PTPRN2: variants seen among roughly 807,000 people sequenced by gnomAD.
PTPRN2 encodes the protein protein tyrosine phosphatase receptor type N2, also known as receptor-type tyrosine-protein phosphatase N2.
Under a neutral mutation model 118.8 loss-of-function variants are expected in PTPRN2, and 74 were observed. The observed-to-expected ratio is 0.62, with a 90% CI of 0.52 to 0.76. The LOEUF is 0.76. Ranked by LOEUF, PTPRN2 falls within the 30% of genes least tolerant of loss-of-function variation. The pLI is 0.00. For synonymous variants in PTPRN2, 641 were observed against 608.0 expected (o/e 1.05, Z -0.80); for missense variants, 1,481 against 1,394.4 (o/e 1.06, Z -0.99).
At chr7:158,307,032 A>G (rs1208964555) in intron 3 of PTPRN2, among the ~76,000 whole-genome samples, 1 of 151,866 alleles carries the variant, frequency 6.6e-6, no homozygotes, top group Non-Finnish European at 1.5e-5. Context: ...ATGCCCAGCT[A>G]ATTTTTGTAT....
At chr7:157,542,445 G>A (rs1040981440) in intron 22 of PTPRN2, among the ~76,000 whole-genome samples, 1 of 152,202 alleles carries the variant, frequency 6.6e-6, no homozygotes, top group Non-Finnish European at 1.5e-5. Context: ...GGGAAGAATA[G>A]AGAAGCGCTG....
intron 1 of PTPRN2, among the ~76,000 whole-genome samples, chr7:158,534,450 G>T (rs540278234): frequency 1.3e-5 from 2 of 152,268 alleles, no homozygotes; most frequent in East Asian, 3.9e-4. Context: ...GGTGCAGGTT[G>T]TGACCACCCA....
rs374509532 is a variant in PTPRN2, at chr7:157,861,333, C to T, written c.1788+37340G>A. ...GCCTGGATTGCACCGGAAGCACCTC[C>T]GGCTGGAGCTCGGCCAAGGAGCCCG... On this transcript the variant is annotated intron_variant, in intron 12 of 22. Transcript: ENST00000389418. The surrounding 1 kb of genome is among the most constrained non-coding windows in gnomAD (Gnocchi z 5.8). Among the ~76,000 whole-genome samples the T allele has an allele frequency of 8.5e-5, 13 of 152,262 alleles. No homozygotes were observed. The highest frequency in any genetic ancestry group is 3.1e-4 in the African/African-American group (13 of 41,478).
chr7:158,327,931 C>G (rs1166049796), intron 2 of PTPRN2, among the ~76,000 whole-genome samples: 1 of 152,122 alleles, frequency 6.6e-6, no homozygotes, highest in Non-Finnish European at 1.5e-5. Flanking sequence ...CATCAGGGTC[C>G]CCAGGGGTGC....
intron 11 of PTPRN2, among the ~76,000 whole-genome samples, chr7:157,992,999 C>T (rs1585158208): frequency 6.6e-6 from 1 of 152,346 alleles, no homozygotes; most frequent in Middle Eastern, 3.4e-3. Flanking sequence ...CCCCGTCTTA[C>T]TGGGAGGTGT....
chr7:157,840,192 TGTGACCGC>T (rs1808286364), intron 12 of PTPRN2, among the ~76,000 whole-genome samples: 1 of 145,072 alleles, frequency 6.9e-6, no homozygotes, highest in Admixed American at 6.8e-5. Context: ...CGTGTGTGAC[TGTGACCGC>T]GTGTGACTGT....
intron 13 of PTPRN2, among the ~76,000 whole-genome samples, chr7:157,660,297 C>G (rs1265894002): frequency 6.6e-6 from 1 of 152,114 alleles, no homozygotes; most frequent in East Asian, 1.9e-4. Flanking sequence ...GTTCCATGCC[C>G]ATCCTGTGAT....
intron 10 of PTPRN2, among the ~76,000 whole-genome samples, chr7:158,083,102 CCA>C (rs1253189992): frequency 6.6e-6 from 1 of 152,184 alleles, no homozygotes; most frequent in Non-Finnish European, 1.5e-5. Context: ...CTCCCTGTCT[CCA>C]CAGTCTTCCA....
intron 12 of PTPRN2, among the ~76,000 whole-genome samples, chr7:157,749,452 C>A (rs1278621526): frequency 2.1e-5 from 3 of 143,340 alleles, no homozygotes. Flanking sequence ...TGAGGTGATT[C>A]TGTGGCCTGT....
At chr7:157,699,886 G>A (rs1797984430) in intron 12 of PTPRN2, among the ~76,000 whole-genome samples, 1 of 152,220 alleles carries the variant, frequency 6.6e-6, no homozygotes, top group Admixed American at 6.5e-5. Context: ...GCGGTGGGAT[G>A]CACGCTGGCA....
intron 2 of PTPRN2, among the ~76,000 whole-genome samples, chr7:158,482,366 A>C (rs1820706178): frequency 6.6e-6 from 1 of 152,224 alleles, no homozygotes; most frequent in South Asian, 2.1e-4. Context: ...TGATGCAGTC[A>C]ATTTTATTTG....
At chr7:157,996,618 G>T (rs1355908147) in intron 11 of PTPRN2, among the ~76,000 whole-genome samples, 1 of 152,084 alleles carries the variant, frequency 6.6e-6, no homozygotes, top group Non-Finnish European at 1.5e-5. Flanking sequence ...GTGTGGGTTT[G>T]CTCTGGCTGG....
intron 11 of PTPRN2, among the ~76,000 whole-genome samples, chr7:158,017,702 G>A (rs1806553421): frequency 6.6e-6 from 1 of 152,138 alleles, no homozygotes; most frequent in African/African-American, 2.4e-5. Flanking sequence ...GGGGACCCTT[G>A]TCAGAGGGGT....
chr7:157,826,125 T>G (rs994232067), intron 12 of PTPRN2, among the ~76,000 whole-genome samples: 1 of 131,138 alleles, frequency 7.6e-6, no homozygotes, highest in African/African-American at 2.9e-5. Flanking sequence ...CGTGCTGTGC[T>G]GAGATGACAA....
At chr7:158,557,719 T>C (rs73510600) in intron 1 of PTPRN2, among the ~76,000 whole-genome samples, 7,527 of 152,258 alleles carry the variant, frequency 0.049, 594 homozygotes, top group African/African-American at 0.17. Flanking sequence ...CAACCTGGGA[T>C]GTTTGTGCTC....
At chr7:158,280,667 C>T (rs1348869278) in intron 3 of PTPRN2, among the ~76,000 whole-genome samples, 3 of 152,164 alleles carry the variant, frequency 2.0e-5, no homozygotes, top group South Asian at 2.1e-4. Context: ...TGCGTAGAGA[C>T]GCGGCCGTGG....
intron 2 of PTPRN2, among the ~76,000 whole-genome samples, chr7:158,408,769 C>A (rs1813790294): frequency 6.6e-6 from 1 of 152,050 alleles, no homozygotes. Context: ...AGAATCGGAT[C>A]AAAAGTTCAC....
chr7:158,418,710 TCA>T (rs1358223961), intron 2 of PTPRN2, among the ~76,000 whole-genome samples: 38 of 152,006 alleles, frequency 2.5e-4, no homozygotes, highest in Admixed American at 2.4e-3. Flanking sequence ...GCTGTAGCTC[TCA>T]GTGTCCCACT....
At chr7:157,695,637 A>C (rs1307810605) in intron 12 of PTPRN2, among the ~76,000 whole-genome samples, 1 of 152,252 alleles carries the variant, frequency 6.6e-6, no homozygotes, top group Non-Finnish European at 1.5e-5. Context: ...CATTGAGATA[A>C]TTTAAGAACA....
Sources: gnomAD v4.1 joint callset for allele counts (sites outside exome capture counted in the v4.1 genomes callset) on GRCh38, gnomAD v4.1.1 for gene constraint, Gnocchi (gnomAD v3.1) non-coding constraint, MANE v1.5 for transcripts, NCBI Gene and HGNC (gene_info 2026-07-23, HGNC 2026-07-21) for gene names.